The following PFKP variants were observed in gnomAD, a reference collection of about 807,000 sequenced individuals.
PFKP encodes the protein ATP-dependent 6-phosphofructokinase, platelet type.
PFKP carries 101 observed loss-of-function variants against 94.3 expected under a neutral mutation model. The observed-to-expected ratio is 1.07, with a 90% CI of 0.91 to 1.26. The LOEUF (loss-of-function observed/expected upper bound fraction) is 1.26, where lower values mean the gene tolerates loss of function less well. Among genes scored for constraint, PFKP ranks in the 50% most tolerant of loss-of-function variants. PFKP has a pLI of 0.00. For synonymous variants in PFKP, 573 were observed against 432.6 expected, an observed-to-expected ratio of 1.32 and a Z score of -4.03; for missense variants, 1,145 against 1,103.3, an observed-to-expected ratio of 1.04 and a Z score of -0.53.
At chr10:3,119,599 C>T (rs866662335) in intron 15 of PFKP, among the ~76,000 whole-genome samples, 7 of 84,764 alleles carry the variant, frequency 8.3e-5, no homozygotes, top group East Asian at 8.1e-4. Context: ...AGCGAGACTC[C>T]GTCTCAAAAA....
At chr10:3,081,181 A>G (rs926992393) in intron 1 of PFKP, among the ~76,000 whole-genome samples, 1 of 152,254 alleles carries the variant, frequency 6.6e-6, no homozygotes, top group Non-Finnish European at 1.5e-5. Flanking sequence ...TTTTTCAGCC[A>G]AATAGATACT....
At chr10:3,076,670 A>T (rs1355548107) in intron 1 of PFKP, among the ~76,000 whole-genome samples, 1 of 152,056 alleles carries the variant, frequency 6.6e-6, no homozygotes, top group East Asian at 1.9e-4. Context: ...AAGCTCTTCC[A>T]GGGCCAGAGG....
intron 2 of PFKP, among the ~76,000 whole-genome samples, chr10:3,095,807 A>G (rs942737499): frequency 2.0e-5 from 3 of 152,380 alleles, no homozygotes; most frequent in East Asian, 1.9e-4. Flanking sequence ...AAGACGGCTT[A>G]GAACTGCGGC....
At chr10:3,089,468 T>G (rs1249670247) in intron 2 of PFKP, among the ~76,000 whole-genome samples, 4 of 152,054 alleles carry the variant, frequency 2.6e-5, no homozygotes, top group Non-Finnish European at 5.9e-5. Flanking sequence ...TGCCCAGCAG[T>G]GGGGCTGCTG....
chr10:3,077,068 T>G (rs1434027135), intron 1 of PFKP, among the ~76,000 whole-genome samples: 1 of 152,054 alleles, frequency 6.6e-6, no homozygotes, highest in Non-Finnish European at 1.5e-5. Flanking sequence ...AAACTGACTT[T>G]ATTTCTCAAA....
intron 11 of PFKP, 41 bp downstream of exon 11, chr10:3,112,327 A>T: frequency 6.7e-7 from 1 of 1,491,920 alleles, no homozygotes; most frequent in East Asian, 2.3e-5. Flanking sequence ...TCAGGAACAC[A>T]CACCCCTCAG....
intron 16 of PFKP, among the ~76,000 whole-genome samples, chr10:3,126,019 G>A (rs1217555050): frequency 1.3e-5 from 2 of 152,202 alleles, no homozygotes; most frequent in Admixed American, 6.5e-5. Context: ...CCTGCATCGC[G>A]TGCGGGGACA....
At chr10:3,117,936 G>A (rs576608572) in intron 14 of PFKP, among the ~76,000 whole-genome samples, 4 of 152,190 alleles carry the variant, frequency 2.6e-5, no homozygotes, top group South Asian at 2.1e-4. Flanking sequence ...TTTGCCCTAC[G>A]GTGTCTTATA....
chr10:3,129,726 G>T, intron 16 of PFKP, 93 bp from the exon 17 acceptor site: 5 of 1,353,770 alleles, frequency 3.7e-6, no homozygotes, highest in Non-Finnish European at 5.2e-6. Flanking sequence ...GCGCGGTGGG[G>T]GGGCCTTGCT....
intron 8 of PFKP, 46 bp downstream of exon 8, chr10:3,107,355 G>A: frequency 8.5e-7 from 1 of 1,180,662 alleles, no homozygotes; most frequent in Non-Finnish European, 1.3e-6. Context: ...CTGCCTGGAA[G>A]CAGGGGAGGC....
At position 3,107,217 on chromosome 10, in the gene PFKP, C is replaced by T. The variant is rs751238624; in HGVS notation, c.778C>T (p.Arg260Cys). 8 of 1,599,904 alleles carry T rather than the reference C, an allele frequency of 5.0e-6. No individual in the cohort carries two copies. Among genetic ancestry groups the T allele is most frequent in the South Asian group, 1.1e-5 (1 of 90,788 alleles). The change falls in exon 8 of 22, where the codon CGT becomes TGT. Residue 260 changes from arginine to cysteine, a missense_variant. Arg to Cys is a radical substitution (Grantham distance 180). This residue lies in a region of PFKP where 1,119 missense variants were observed against 1,062.8 expected (regional missense o/e 1.05). Coordinates refer to ENST00000381125, the MANE Select transcript of PFKP (RefSeq NM_002627.5). Reference sequence around the variant, plus strand: ...CTTTAATTTTCTGTCTCCACAGAACCGTGCCCGGAAAAAAAGGCTGAATAT... The same window carrying T: ...CTTTAATTTTCTGTCTCCACAGAACTGTGCCCGGAAAAAAAGGCTGAATAT... ...EQMCVKLSEN[R>C]ARKKRLNIII... is the part of the protein sequence containing the mutation.
chr10:3,109,969 T>C (rs78288841), intron 10 of PFKP, among the ~76,000 whole-genome samples: 2,429 of 152,144 alleles, frequency 0.016, 63 homozygotes, highest in African/African-American at 0.056. Context: ...AGGTGGGACC[T>C]TCCCAAACTT....
chr10:3,119,554 G>A (rs903792745), intron 15 of PFKP, among the ~76,000 whole-genome samples: 3 of 152,132 alleles, frequency 2.0e-5, no homozygotes, highest in Non-Finnish European at 4.4e-5. Context: ...GCAGTGAGAC[G>A]AGATTGCACC....
At chr10:3,117,717 G>A (rs569468921) in intron 14 of PFKP, among the ~76,000 whole-genome samples, 36 of 152,252 alleles carry the variant, frequency 2.4e-4, no homozygotes, top group Middle Eastern at 3.4e-3. Context: ...TGCATCCCTC[G>A]GTGTGCGTTC....
At position 3,103,899 on chromosome 10, in the gene PFKP, A is replaced by C. The variant is rs1375361588; in HGVS notation, c.575A>C (p.His192Pro). ...DMTIGTDSAL[H>P]RIIEVVDAIM... The stretch of plus-strand genomic sequence containing the variant: ...ACCATCGGCACGGACTCCGCCCTGC[A>C]CAGGATCATCGAGGTCGTCGACGCC... The change falls in exon 5 of 22, where the codon CAC becomes CCC. Residue 192 changes from histidine to proline, a missense_variant. Around this residue, in one of 3 missense-constraint regions of PFKP, gnomAD observed 1,119 missense variants for 1,062.8 expected, o/e 1.05. Transcript: ENST00000381125. 6.2e-7 allele frequency: 1 copy of C among 1,613,820 alleles called. No homozygotes were observed. The highest frequency in any genetic ancestry group is 8.5e-7 in the Non-Finnish European group (1 of 1,180,050).
chr10:3,133,306 A>C lies in PFKP; in HGVS notation c.2014A>C (p.Met672Leu). The C allele has an allele frequency of 6.2e-7, 1 of 1,609,794 alleles. No homozygotes were observed. Among genetic ancestry groups the C allele is most frequent in the African/African-American group, 1.3e-5 (1 of 74,986 alleles). The change falls in exon 19 of 22, where the codon ATG becomes CTG. Residue 672 changes from methionine to leucine, a missense_variant. Physicochemically the swap from Met to Leu is conservative, Grantham distance 15. Transcript: ENST00000381125. Reference sequence around the variant, plus strand: ...CTGCAGGAAGAACGTGCTGGGTCACATGCAGCAGGTAGGCCCGAGACTGCA... The same window carrying C: ...CTGCAGGAAGAACGTGCTGGGTCACCTGCAGCAGGTAGGCCCGAGACTGCA... The part of the protein sequence containing the change: ...FDCRKNVLGH[M>L]QQGGAPSPFD...
At chr10:3,075,308 G>A (rs974408651) in intron 1 of PFKP, among the ~76,000 whole-genome samples, 1 of 151,998 alleles carries the variant, frequency 6.6e-6, no homozygotes, top group African/African-American at 2.4e-5. Flanking sequence ...GCCAGATTTG[G>A]GGGGGCCTGC....
chr10:3,096,475 G>C (rs1212952355), intron 2 of PFKP, among the ~76,000 whole-genome samples: 2 of 152,134 alleles, frequency 1.3e-5, no homozygotes, highest in African/African-American at 4.8e-5. Flanking sequence ...CCAGGTTTAC[G>C]GCCGCTCTAC....
At chr10:3,124,470 C>G (rs1212142326) in intron 16 of PFKP, among the ~76,000 whole-genome samples, 2 of 152,240 alleles carry the variant, frequency 1.3e-5, no homozygotes, top group African/African-American at 4.8e-5. Context: ...AGCAGCAACT[C>G]AGGTTCTTGC....
Sources: gnomAD v4.1 joint callset for allele counts (sites outside exome capture counted in the v4.1 genomes callset) on GRCh38, gnomAD v4.1.1 for gene constraint, gnomAD v4.1.1 regional missense constraint, MANE v1.5 for transcripts, NCBI Gene and HGNC (gene_info 2026-07-23, HGNC 2026-07-21) for gene names.